DLGAP2: variants seen among roughly 807,000 people sequenced by gnomAD.
The protein encoded by DLGAP2 is DLG associated protein 2, also known as disks large-associated protein 2.
Under a neutral mutation model 100.3 loss-of-function variants are expected in DLGAP2, and 26 were observed. That is an observed-to-expected ratio of 0.26 (90% CI 0.19 to 0.36). The LOEUF (loss-of-function observed/expected upper bound fraction) is 0.36, where lower values mean the gene tolerates loss of function less well. DLGAP2 is among the 10% of genes least tolerant of loss of function. The pLI is 1.00. For synonymous variants in DLGAP2, 886 were observed against 630.1 expected (o/e 1.41, Z -6.08); for missense variants, 1,858 against 1,453.2 (o/e 1.28, Z -4.53).
chr8:963,608 A>G (rs1254951694), intron 2 of DLGAP2, among the ~76,000 whole-genome samples: 1 of 152,214 alleles, frequency 6.6e-6, no homozygotes, highest in Non-Finnish European at 1.5e-5. Flanking sequence ...CTTAATTGGA[A>G]CTTTACAAAA....
chr8:1,070,396 G>A (rs576393300), intron 2 of DLGAP2, among the ~76,000 whole-genome samples: 1 of 152,312 alleles, frequency 6.6e-6, no homozygotes, highest in South Asian at 2.1e-4. Flanking sequence ...CGTGGTTCCT[G>A]AGGGAGGTGT....
intron 3 of DLGAP2, among the ~76,000 whole-genome samples, chr8:1,426,715 G>A (rs7841019): frequency 0.21 from 32,625 of 152,068 alleles, 3,916 homozygotes; most frequent in Middle Eastern, 0.29. Context: ...TAGATTCTTC[G>A]TTAGTAAAAA....
chr8:1,452,518 G>A (rs1300560180), intron 3 of DLGAP2, among the ~76,000 whole-genome samples: 1 of 152,210 alleles, frequency 6.6e-6, no homozygotes, highest in Non-Finnish European at 1.5e-5. Context: ...TTCTGAGCTT[G>A]TGGGACACTG....
intron 2 of DLGAP2, among the ~76,000 whole-genome samples, chr8:1,024,325 A>G (rs11990853): frequency 0.1 from 210 of 2,014 alleles, 35 homozygotes; most frequent in Non-Finnish European, 0.13. Context: ...CACCCCAGCC[A>G]CCACCCACCC....
intron 5 of DLGAP2, among the ~76,000 whole-genome samples, chr8:1,556,456 C>T (rs960874027): frequency 3.3e-5 from 5 of 152,128 alleles, no homozygotes; most frequent in South Asian, 2.1e-4. Context: ...TGCAGCTGGG[C>T]GGAGTCCGGC....
chr8:1,319,708 A>G (rs1800851239), intron 3 of DLGAP2, among the ~76,000 whole-genome samples: 1 of 152,162 alleles, frequency 6.6e-6, no homozygotes, highest in Admixed American at 6.5e-5. Context: ...GTTGGAAAAG[A>G]TGTCAGAACG....
intron 3 of DLGAP2, among the ~76,000 whole-genome samples, chr8:1,387,394 C>T (rs750256025): frequency 3.3e-5 from 5 of 152,182 alleles, no homozygotes; most frequent in Non-Finnish European, 7.3e-5. Flanking sequence ...TGGGCAGTGG[C>T]CACGGGGCTG....
chr8:872,239 C>T (rs1563073229), intron 1 of DLGAP2, among the ~76,000 whole-genome samples: 1 of 151,450 alleles, frequency 6.6e-6, no homozygotes, highest in Non-Finnish European at 1.5e-5. Flanking sequence ...ACTTCAAAGC[C>T]AGAACTATTA....
At chr8:1,249,467 G>T (rs1798989405) in intron 2 of DLGAP2, among the ~76,000 whole-genome samples, 1 of 152,096 alleles carries the variant, frequency 6.6e-6, no homozygotes, top group Non-Finnish European at 1.5e-5. Context: ...TATTTCTCAT[G>T]TTCTCATAAA....
rs1424606343 is a variant in DLGAP2 at position 1,048,006 on chromosome 8, A to G, written c.73+140040A>G. Reference sequence around the variant, plus strand: ...AAAACCTTAGACCGTTAAGGCCTGCAAGGGTGCGGACACTGTGGTATTTGA... The same window carrying G: ...AAAACCTTAGACCGTTAAGGCCTGCGAGGGTGCGGACACTGTGGTATTTGA... On this transcript the variant is annotated intron_variant, in intron 2 of 14. Transcript: ENST00000637795. 5.9e-5 allele frequency among the ~76,000 whole-genome samples: 9 copies of G among 152,168 alleles called. No individual in the cohort carries two copies. The South Asian group carries it at 6.2e-4, about 11-fold the overall frequency.
chr8:1,220,587 G>T (rs1798296855), intron 2 of DLGAP2, among the ~76,000 whole-genome samples: 1 of 151,954 alleles, frequency 6.6e-6, no homozygotes, highest in Non-Finnish European at 1.5e-5. Flanking sequence ...TTGTTGTTGG[G>T]GAGAGTATTC....
chr8:863,146 C>T (rs541362746), intron 1 of DLGAP2, among the ~76,000 whole-genome samples: 6 of 152,192 alleles, frequency 3.9e-5, no homozygotes, highest in South Asian at 4.2e-4. Context: ...CTGTTGCTCA[C>T]GGCCAAGGAG....
intron 3 of DLGAP2, among the ~76,000 whole-genome samples, chr8:1,317,608 C>T (rs1331930612): frequency 7.0e-6 from 1 of 143,762 alleles, no homozygotes; most frequent in Admixed American, 6.9e-5. Flanking sequence ...TGTGCGAGTG[C>T]AGCGTCTCTC....
At chr8:1,088,270 G>A (rs1014965728) in intron 2 of DLGAP2, among the ~76,000 whole-genome samples, 2 of 152,190 alleles carry the variant, frequency 1.3e-5, no homozygotes, top group African/African-American at 4.8e-5. Flanking sequence ...GGACTTTAGA[G>A]CTACCATGAA....
intron 4 of DLGAP2, among the ~76,000 whole-genome samples, chr8:1,538,585 G>A (rs1237508782): frequency 6.6e-6 from 1 of 152,182 alleles, no homozygotes. Context: ...AGAACAGATA[G>A]GGAGGGGCTT....
intron 3 of DLGAP2, among the ~76,000 whole-genome samples, chr8:1,325,948 C>G (rs2063403568): frequency 6.6e-6 from 1 of 152,146 alleles, no homozygotes; most frequent in South Asian, 2.1e-4. Flanking sequence ...TATCTTCCCC[C>G]GTAAGCTATA....
At chr8:1,086,172 G>A (rs551918147) in intron 2 of DLGAP2, among the ~76,000 whole-genome samples, 124 of 152,264 alleles carry the variant, frequency 8.1e-4, no homozygotes, top group Non-Finnish European at 1.3e-3. Flanking sequence ...GGTGGAGTTT[G>A]TAGGGTTTTC....
intron 2 of DLGAP2, among the ~76,000 whole-genome samples, chr8:1,092,777 G>A (rs1804228001): frequency 6.6e-6 from 1 of 152,186 alleles, no homozygotes; most frequent in Non-Finnish European, 1.5e-5. Flanking sequence ...AACACAGATG[G>A]TGTGGGGGAC....
At chr8:1,697,453 C>G (rs547761752) in intron 14 of DLGAP2, among the ~76,000 whole-genome samples, 154 bp downstream of exon 14, 2 of 152,154 alleles carry the variant, frequency 1.3e-5, no homozygotes, top group Non-Finnish European at 2.9e-5. Context: ...CATGTGTATA[C>G]GCACATGTGT....
Sources: allele counts gnomAD v4.1 joint callset (sites outside exome capture counted in the v4.1 genomes callset), GRCh38; gene constraint gnomAD v4.1.1; transcripts MANE v1.5; gene names NCBI Gene and HGNC (gene_info 2026-07-23, HGNC 2026-07-21).